The following GRHL3 variants were observed in gnomAD, a reference collection of about 807,000 sequenced individuals.
GRHL3 encodes the protein grainyhead like transcription factor 3.
In GRHL3, 20 loss-of-function variants were observed where a neutral mutation model predicts 70.3. The ratio of observed to expected loss-of-function variants is 0.28; its 90% confidence interval spans 0.20 to 0.41. The LOEUF (loss-of-function observed/expected upper bound fraction) is 0.41, where lower values mean the gene tolerates loss of function less well. Ranked by LOEUF, GRHL3 falls within the 10% of genes least tolerant of loss-of-function variation. The probability of loss-of-function intolerance (pLI) is 1.00; values close to 1 mark genes in which losing one functional copy is unlikely to be tolerated. For synonymous variants in GRHL3, 299 were observed against 299.9 expected, an observed-to-expected ratio of 1.00 and a Z score of 0.03; for missense variants, 637 against 762.3, an observed-to-expected ratio of 0.84 and a Z score of 1.94.
chr1:24,325,252 C>T (rs1639348542), intron 1 of GRHL3, among the ~76,000 whole-genome samples: 1 of 152,184 alleles, frequency 6.6e-6, no homozygotes, highest in South Asian at 2.1e-4. Flanking sequence ...TCCTGTGCCA[C>T]ACACCTTCTT....
intron 7 of GRHL3, 78 bp downstream of exon 7, chr1:24,338,181 C>T: frequency 1.0e-6 from 1 of 963,632 alleles, no homozygotes; most frequent in Non-Finnish European, 1.5e-6. Flanking sequence ...TTTTCTTACT[C>T]ACCCCTGTTT....
chr1:24,354,247 G>A (rs538667110), intron 15 of GRHL3, 127 bp from the exon 16 acceptor site: 1 of 627,354 alleles, frequency 1.6e-6, no homozygotes, highest in South Asian at 1.8e-5. Flanking sequence ...TCAGAGGGAA[G>A]GTTTGTGAGG....
At chr1:24,326,620 G>A (rs1192248200) in intron 1 of GRHL3, among the ~76,000 whole-genome samples, 1 of 152,134 alleles carries the variant, frequency 6.6e-6, no homozygotes, top group African/African-American at 2.4e-5. Flanking sequence ...ATTCTCCCAG[G>A]ACAGGTTCTG....
In GRHL3 at chr1:24,351,293, G is replaced by A. The variant is rs549458116; in HGVS notation, c.1694+1171G>A. 7.9e-5 allele frequency among the ~76,000 whole-genome samples: 12 copies of A among 152,202 alleles called. No individual in the cohort carries two copies. In the East Asian group the frequency reaches 2.1e-3, roughly 27 times the overall value. On this transcript the variant is annotated intron_variant, in intron 15 of 15. Coordinates refer to ENST00000361548, the MANE Select transcript of GRHL3 (RefSeq NM_198173.3). Reference sequence around the variant, plus strand: ...TCTCATCAGGCCTAGGGGCCTGGCCGCCTTCCTCACAGGCCCAGCCCTGCC... The same window carrying A: ...TCTCATCAGGCCTAGGGGCCTGGCCACCTTCCTCACAGGCCCAGCCCTGCC...
intron 2 of GRHL3, among the ~76,000 whole-genome samples, chr1:24,332,060 A>G (rs560279836): frequency 1.3e-5 from 2 of 152,258 alleles, no homozygotes; most frequent in East Asian, 3.9e-4. Context: ...GCCTGGTCCA[A>G]GCACATTCTG....
rs1639179889 is a variant in GRHL3 at position 24,321,396 on chromosome 1, G to A, written c.17+1828G>A. ...GGCTCAGCTGCCCCTACTGGTAAGGGGAGGGCACCCGGCGCTTGGCTTGCA... is the reference window on the plus strand; with the variant it reads ...GGCTCAGCTGCCCCTACTGGTAAGGAGAGGGCACCCGGCGCTTGGCTTGCA... On this transcript the variant is annotated intron_variant, in intron 1 of 15. Transcript: ENST00000361548. The surrounding 1 kb of genome is among the most constrained non-coding windows in gnomAD (Gnocchi z 4.0). Among the ~76,000 whole-genome samples, 1 of 152,230 alleles carries A rather than the reference G, an allele frequency of 6.6e-6. No homozygotes were observed. Among genetic ancestry groups the A allele is most frequent in the African/African-American group, 2.4e-5 (1 of 41,460 alleles).
chr1:24,364,240 G>C, exon 16 of GRHL3: 1 of 1,547,766 alleles, frequency 6.5e-7, no homozygotes, highest in Non-Finnish European at 8.7e-7. Context: ...TGACTGTCTT[G>C]AATGTTCCCA....
In GRHL3 at chr1:24,354,755, T is replaced by C; in HGVS notation, c.*267T>C. 1 of 360,708 alleles carries C rather than the reference T, an allele frequency of 2.8e-6. No individual in the cohort carries two copies. The highest frequency in any genetic ancestry group is 3.2e-5 in the South Asian group (1 of 31,426). 22.3% of individuals were successfully genotyped at this position (360,708 alleles called of 1,614,324 possible). A position where few individuals can be genotyped will look rare whatever the true frequency, so the allele number is the denominator to read the frequency against. On this transcript the variant is annotated 3_prime_UTR_variant, in exon 16 of 16. Coordinates refer to ENST00000361548, the MANE Select transcript of GRHL3 (RefSeq NM_198173.3). ...GTACCCCAAAACAATGTCACCATGG[T>C]TACCACCTACCCAGAAGACTGTTCC...
exon 16 of GRHL3, chr1:24,364,365 G>C (rs558169785): frequency 3.2e-6 from 5 of 1,539,862 alleles, no homozygotes; most frequent in Non-Finnish European, 4.4e-6. Context: ...CTGTAAACTC[G>C]GAATGACACA....
intron 15 of GRHL3, among the ~76,000 whole-genome samples, chr1:24,363,281 G>A (rs1055472813): frequency 6.6e-6 from 1 of 152,204 alleles, no homozygotes; most frequent in African/African-American, 2.4e-5. Context: ...GTATGCCCAG[G>A]AGAGGCTCAG....
At position 24,322,250 on chromosome 1, in the gene GRHL3, G is replaced by T. The variant is rs536067169; in HGVS notation, c.17+2682G>T. Among the ~76,000 whole-genome samples the T allele has an allele frequency of 1.7e-3, 265 of 152,302 alleles. No homozygotes were observed. The highest frequency in any genetic ancestry group is 6.1e-3 in the African/African-American group (254 of 41,580). ...CTCTGGGCCCCACCGCTGCCGCCTGGAGTCTCCCCTCAGCCTCGCAGAGAC... is the reference window on the plus strand; with the variant it reads ...CTCTGGGCCCCACCGCTGCCGCCTGTAGTCTCCCCTCAGCCTCGCAGAGAC... On this transcript the variant is annotated intron_variant, in intron 1 of 15. Transcript: ENST00000361548. This position sits in a 1 kb window ranked among gnomAD's most constrained non-coding sequence, Gnocchi z 4.4.
At chr1:24,358,247 G>T, downstream of GRHL3, 1 of 617,310 alleles carries the variant, frequency 1.6e-6, no homozygotes, top group Non-Finnish European at 3.0e-6. Flanking sequence ...CGTGCCGGAA[G>T]GCAGCCTGGA....
chr1:24,348,482 C>T (rs746608839), intron 14 of GRHL3, among the ~76,000 whole-genome samples: 1 of 152,202 alleles, frequency 6.6e-6, no homozygotes, highest in Non-Finnish European at 1.5e-5. Flanking sequence ...CCCCAGGAAG[C>T]TGGGCTCACA....
intron 7 of GRHL3, among the ~76,000 whole-genome samples, chr1:24,339,410 G>A (rs1639952156): frequency 6.6e-6 from 1 of 152,110 alleles, no homozygotes; most frequent in South Asian, 2.1e-4. Flanking sequence ...CTCCCGAGTA[G>A]CTGAGACTAC....
At chr1:24,325,787 C>A (rs1002126842) in intron 1 of GRHL3, among the ~76,000 whole-genome samples, 7 of 152,196 alleles carry the variant, frequency 4.6e-5, no homozygotes, top group African/African-American at 1.7e-4. Flanking sequence ...ACAGACTGGA[C>A]GGGAGGCCTC....
At chr1:24,340,784 G>C (rs1319520700) in intron 8 of GRHL3, among the ~76,000 whole-genome samples, 1 of 152,174 alleles carries the variant, frequency 6.6e-6, no homozygotes, top group East Asian at 1.9e-4. Context: ...ACAAAGGCAG[G>C]GATTATTATT....
chr1:24,337,537 C>T (rs1273268611), intron 5 of GRHL3, 99 bp from the exon 6 acceptor site: 3 of 1,265,092 alleles, frequency 2.4e-6, no homozygotes, highest in Admixed American at 4.3e-5. Context: ...GGTCAAACAG[C>T]AAGTCTGTAA....
chr1:24,350,690 T>C (rs890468428), intron 15 of GRHL3, among the ~76,000 whole-genome samples: 1 of 152,168 alleles, frequency 6.6e-6, no homozygotes, highest in Non-Finnish European at 1.5e-5. Flanking sequence ...TGGCTGGCGA[T>C]GAGTCTGGAA....
chr1:24,324,788 TCTGCAAAGCTCTGGGCCCACTCCCATAA>T, intron 1 of GRHL3, among the ~76,000 whole-genome samples: 1 of 152,222 alleles, frequency 6.6e-6, no homozygotes, highest in East Asian at 1.9e-4. Context: ...GGAACCCAGG[TCTGCAAAGCTCTGGGCCCACTCCCATAA>T]CGATGAGTTC....
Sources: allele counts gnomAD v4.1 joint callset (sites outside exome capture counted in the v4.1 genomes callset), GRCh38; gene constraint gnomAD v4.1.1; non-coding constraint Gnocchi (gnomAD v3.1); transcripts MANE v1.5; gene names NCBI Gene and HGNC (gene_info 2026-07-23, HGNC 2026-07-21).